Variants in GRK3 observed in about 807,000 individuals in gnomAD.
GRK3 encodes G protein-coupled receptor kinase 3.
A neutral mutation model predicts 95.7 loss-of-function variants in GRK3; 54 were observed. The observed-to-expected ratio is 0.56, with a 90% CI of 0.45 to 0.71. The LOEUF is 0.71. GRK3 is among the 30% of genes least tolerant of loss of function. The pLI, the probability that GRK3 is intolerant of heterozygous loss-of-function variation, is 0.00. For synonymous variants in GRK3, 281 were observed against 290.8 expected (o/e 0.97, Z 0.34); for missense variants, 649 against 851.2 (o/e 0.76, Z 2.96).
Position 25,655,223 on chromosome 22 carries a change from C to T in GRK3, c.265-6353C>T, listed in dbSNP as rs146270103. Among the ~76,000 whole-genome samples the T allele has an allele frequency of 2.4e-4, 37 of 152,266 alleles. No individual in the cohort carries two copies. In the South Asian group the frequency reaches 2.7e-3, roughly 11 times the overall value. On this transcript the variant is annotated intron_variant, in intron 3 of 20. Coordinates refer to ENST00000324198, the MANE Select transcript of GRK3 (RefSeq NM_005160.4). Reference sequence around the variant, plus strand: ...ATTTCCCATGTTAAAGTTCTAACTGCGTATCCTGGCATTCAAAGTATCTTT... The same window carrying T: ...ATTTCCCATGTTAAAGTTCTAACTGTGTATCCTGGCATTCAAAGTATCTTT...
intron 5 of GRK3, among the ~76,000 whole-genome samples, chr22:25,667,522 C>A (rs28763890): frequency 0.015 from 2,335 of 152,282 alleles, 32 homozygotes; most frequent in Middle Eastern, 0.065. Flanking sequence ...GCAAACAGGG[C>A]AGACTTGTCT....
At chr22:25,719,713 G>A (rs1180484363) in intron 19 of GRK3, among the ~76,000 whole-genome samples, 7 of 149,710 alleles carry the variant, frequency 4.7e-5, no homozygotes, top group African/African-American at 1.2e-4. Flanking sequence ...GGGGGGGCCT[G>A]GTGAGTCATC....
At position 25,565,121 on chromosome 22, in the gene GRK3, C is replaced by T; in HGVS notation, c.81C>T (p.Arg27=). 1 of 1,549,696 alleles carries T rather than the reference C, an allele frequency of 6.5e-7. No individual in the cohort carries two copies. Residue 27 remains arginine, a synonymous_variant, in exon 1 of 21, where the codon CGC becomes CGT. Coordinates refer to ENST00000324198, the MANE Select transcript of GRK3 (RefSeq NM_005160.4). ...MEKSKATPAA[R]ASKRIVLPEP... ...AGAGCAAGGCGACCCCGGCCGCCCG[C>T]GCCAGCAAGAGGATCGTCCTGCCGG...
intron 8 of GRK3, among the ~76,000 whole-genome samples, chr22:25,677,870 T>C (rs1019056299): frequency 2.6e-5 from 4 of 152,254 alleles, no homozygotes; most frequent in African/African-American, 7.2e-5. Context: ...TCCTGTTTTC[T>C]ATAGAATATG....
intron 13 of GRK3, 88 bp downstream of exon 13, chr22:25,695,302 T>G: frequency 1.1e-6 from 1 of 877,900 alleles, no homozygotes. Context: ...GACTAGACGC[T>G]AATGTTATTT....
intron 2 of GRK3, among the ~76,000 whole-genome samples, chr22:25,629,188 G>A (rs2084647827): frequency 1.3e-5 from 2 of 152,188 alleles, no homozygotes; most frequent in Admixed American, 6.5e-5. Context: ...ACTTCCAAGT[G>A]TGCTGCTTTC....
chr22:25,715,682 G>A (rs2085378319), intron 18 of GRK3, among the ~76,000 whole-genome samples: 1 of 152,148 alleles, frequency 6.6e-6, no homozygotes, highest in African/African-American at 2.4e-5. Flanking sequence ...TAAATTTATT[G>A]TAGTCGATGA....
intron 6 of GRK3, 72 bp downstream of exon 6, chr22:25,667,872 C>A: frequency 4.6e-6 from 4 of 869,122 alleles, no homozygotes; most frequent in East Asian, 2.5e-5. Flanking sequence ...GCCGTAAATG[C>A]TGACCTTAAA....
chr22:25,655,240 A>C (rs2084861904), intron 3 of GRK3, among the ~76,000 whole-genome samples: 1 of 152,088 alleles, frequency 6.6e-6, no homozygotes, highest in South Asian at 2.1e-4. Context: ...TGGCATTCAA[A>C]GTATCTTTAC....
chr22:25,686,946 A>T (rs2085119498), intron 10 of GRK3, among the ~76,000 whole-genome samples: 1 of 152,152 alleles, frequency 6.6e-6, no homozygotes, highest in South Asian at 2.1e-4. Context: ...CAGACTCCCG[A>T]GTAGCTGGGA....
At chr22:25,577,653 T>A (rs1398001523) in intron 1 of GRK3, among the ~76,000 whole-genome samples, 1 of 152,226 alleles carries the variant, frequency 6.6e-6, no homozygotes, top group African/African-American at 2.4e-5. Flanking sequence ...GGCTTTTGCC[T>A]TCTTCACCTA....
At chr22:25,708,475 T>A (rs1017222852) in intron 15 of GRK3, among the ~76,000 whole-genome samples, 4 of 152,030 alleles carry the variant, frequency 2.6e-5, no homozygotes, top group Non-Finnish European at 4.4e-5. Context: ...GTGCTTGGGC[T>A]ACAGATTTAG....
chr22:25,614,283 G>A (rs959892408), intron 2 of GRK3, among the ~76,000 whole-genome samples: 2 of 151,992 alleles, frequency 1.3e-5, no homozygotes, highest in East Asian at 1.9e-4. Context: ...ACAGGCATGC[G>A]CCAACATGCC....
At chr22:25,591,744 G>C (rs1932499501) in intron 1 of GRK3, among the ~76,000 whole-genome samples, 1 of 152,110 alleles carries the variant, frequency 6.6e-6, no homozygotes, top group Non-Finnish European at 1.5e-5. Flanking sequence ...ATCAAACGTT[G>C]TGTACTTTTT....
intron 15 of GRK3, among the ~76,000 whole-genome samples, chr22:25,706,245 A>T (rs996975251): frequency 5.3e-5 from 8 of 152,308 alleles, no homozygotes; most frequent in Middle Eastern, 6.8e-3. Context: ...CCCATGTTAA[A>T]CACCTTGCTG....
chr22:25,573,926 A>G (rs1931796662), intron 1 of GRK3, among the ~76,000 whole-genome samples: 1 of 151,966 alleles, frequency 6.6e-6, no homozygotes, highest in Non-Finnish European at 1.5e-5. Context: ...AAACCAACCA[A>G]CCAACCAACC....
chr22:25,619,332 G>T (rs1480348618), intron 2 of GRK3, among the ~76,000 whole-genome samples: 1 of 152,164 alleles, frequency 6.6e-6, no homozygotes, highest in Non-Finnish European at 1.5e-5. Context: ...ACCCTGTGCA[G>T]ATCATTCTTG....
At chr22:25,680,108 T>C (rs1014545784) in intron 9 of GRK3, among the ~76,000 whole-genome samples, 7 of 152,194 alleles carry the variant, frequency 4.6e-5, no homozygotes, top group Non-Finnish European at 8.8e-5. Context: ...TATTCTGTCA[T>C]TAAAGTGTTT....
At chr22:25,569,672 A>G (rs1931614839) in intron 1 of GRK3, among the ~76,000 whole-genome samples, 1 of 152,234 alleles carries the variant, frequency 6.6e-6, no homozygotes, top group Non-Finnish European at 1.5e-5. Flanking sequence ...AGTGAAATGC[A>G]AAGTAGTATT....
Sources: gnomAD v4.1 joint callset for allele counts (sites outside exome capture counted in the v4.1 genomes callset) on GRCh38, gnomAD v4.1.1 for gene constraint, MANE v1.5 for transcripts, NCBI Gene and HGNC (gene_info 2026-07-23, HGNC 2026-07-21) for gene names.